Variants in FGF14 observed in about 807,000 individuals in gnomAD.
FGF14 encodes the protein fibroblast growth factor 14.
A neutral mutation model predicts 25.5 loss-of-function variants in FGF14; 5 were observed. The ratio of observed to expected loss-of-function variants is 0.20; its 90% CI spans 0.10 to 0.41. The LOEUF (loss-of-function observed/expected upper bound fraction) is 0.41. Ranked by LOEUF, FGF14 falls within the 10% of genes least tolerant of loss-of-function variation. The pLI is 1.00. For missense variants in FGF14, 222 were observed against 320.1 expected, an observed-to-expected ratio of 0.69 and a Z score of 2.34; for synonymous variants, 138 against 118.3, an observed-to-expected ratio of 1.17 and a Z score of -1.08.
chr13:101,836,890 T>C (rs566401773), intron 3 of FGF14, among the ~76,000 whole-genome samples: 1 of 152,196 alleles, frequency 6.6e-6, no homozygotes, highest in African/African-American at 2.4e-5. Context: ...GTAATGATGA[T>C]TTTTGTATAA....
intron 1 of FGF14, chr13:102,366,351 A>G (rs1385854427): frequency 6.6e-6 from 1 of 152,238 alleles, no homozygotes; most frequent in Non-Finnish European, 1.5e-5. Context: ...TCGTACCAGT[A>G]CCAGTGGTCA....
chr13:102,350,331 C>T (rs887431530), intron 1 of FGF14, among the ~76,000 whole-genome samples: 4 of 151,272 alleles, frequency 2.6e-5, no homozygotes, highest in African/African-American at 7.3e-5. Context: ...ATTGTGCCAT[C>T]GCACTGCACT....
intron 3 of FGF14, among the ~76,000 whole-genome samples, chr13:101,825,410 A>T (rs778603752): frequency 6.6e-6 from 1 of 152,244 alleles, no homozygotes; most frequent in Non-Finnish European, 1.5e-5. Context: ...TTTCAACACA[A>T]TCCTGAGTCT....
chr13:101,750,788 A>T (rs1387431974), intron 3 of FGF14, among the ~76,000 whole-genome samples: 1 of 152,186 alleles, frequency 6.6e-6, no homozygotes, highest in Non-Finnish European at 1.5e-5. Flanking sequence ...ACTTGAAAGC[A>T]ATCAAGATGG....
chr13:102,021,614 T>C (rs774933374), intron 1 of FGF14, among the ~76,000 whole-genome samples: 4 of 152,064 alleles, frequency 2.6e-5, no homozygotes, highest in Non-Finnish European at 5.9e-5. Context: ...CAGCAAAAGA[T>C]ATGGAAAACT....
intron 1 of FGF14, among the ~76,000 whole-genome samples, chr13:102,081,886 A>C (rs2043640362): frequency 6.6e-6 from 1 of 152,180 alleles, no homozygotes; most frequent in Admixed American, 6.5e-5. Flanking sequence ...CAAGTGTAAA[A>C]TTATGATTCA....
intron 1 of FGF14, among the ~76,000 whole-genome samples, chr13:102,398,883 TATGTATA>T (rs1313482779): frequency 3.7e-4 from 53 of 144,932 alleles, no homozygotes; most frequent in African/African-American, 1.3e-3. Context: ...ATATTATATA[TATGTATA>T]ATATATAATA....
chr13:102,177,164 G>A (rs981991951), intron 1 of FGF14, among the ~76,000 whole-genome samples: 2 of 152,128 alleles, frequency 1.3e-5, no homozygotes, highest in Non-Finnish European at 2.9e-5. Context: ...TGTGAAATAC[G>A]TCTTCATAGA....
intron 1 of FGF14, among the ~76,000 whole-genome samples, chr13:102,115,777 G>A (rs948833186): frequency 3.3e-5 from 5 of 150,992 alleles, no homozygotes; most frequent in South Asian, 2.1e-4. Context: ...AATCCTCAGC[G>A]ACACACGATT....
rs574407621 is a variant in FGF14, at chr13:101,726,552, A to G, written c.607+60T>C. ...TTCTTAGAGCCATGGTAGACCTATC[A>G]ATTTGAAAAATAAAATATGTAATAA... On this transcript the variant is annotated intron_variant, in intron 4 of 4. Coordinates refer to ENST00000376143, the MANE Select transcript of FGF14 (RefSeq NM_004115.4). 9 of 1,504,508 alleles carry G rather than the reference A, an allele frequency of 6.0e-6. No individual in the cohort carries two copies. The Admixed American group carries it at 1.3e-4, about 22-fold the overall frequency. 93.2% of individuals were successfully genotyped at this position (1,504,508 alleles called of 1,614,324 possible).
chr13:102,161,649 GAAGAAGAAGAAGAAGAAGAAGAAGAA>G (rs2047733140), intron 1 of FGF14, among the ~76,000 whole-genome samples: 1 of 14,962 alleles, frequency 6.7e-5, no homozygotes, highest in African/African-American at 2.2e-4. Flanking sequence ...AGAAGAAGAA[GAAGAAGAAGAAGAAGAAGAAGAAGAA>G]GAAGAAGAAG....
chr13:101,831,451 G>A (rs963271568), intron 3 of FGF14, among the ~76,000 whole-genome samples: 6 of 151,800 alleles, frequency 4.0e-5, no homozygotes, highest in Non-Finnish European at 8.8e-5. Flanking sequence ...TCTATCATAC[G>A]CTTCATGAAT....
chr13:101,850,465 T>A (rs1354252056), intron 3 of FGF14, among the ~76,000 whole-genome samples: 17 of 7,216 alleles, frequency 2.4e-3, no homozygotes, highest in African/African-American at 0.011. Context: ...AAAGGCAATA[T>A]ATATATATAT....
At chr13:102,285,155 A>G (rs2054032949) in intron 1 of FGF14, among the ~76,000 whole-genome samples, 1 of 152,186 alleles carries the variant, frequency 6.6e-6, no homozygotes, top group Non-Finnish European at 1.5e-5. Context: ...TTTTTTACAG[A>G]GCAAAGGATA....
At chr13:101,957,357 A>G (rs1367724398) in intron 1 of FGF14, among the ~76,000 whole-genome samples, 1 of 152,174 alleles carries the variant, frequency 6.6e-6, no homozygotes, top group Non-Finnish European at 1.5e-5. Flanking sequence ...GAGACACTAT[A>G]TATGTTAGAC....
intron 3 of FGF14, among the ~76,000 whole-genome samples, chr13:101,831,407 AG>A (rs1350856227): frequency 6.6e-6 from 1 of 152,004 alleles, no homozygotes. Flanking sequence ...AATTTTCATC[AG>A]AGAGTTATAG....
intron 3 of FGF14, among the ~76,000 whole-genome samples, chr13:101,863,587 G>A (rs1342572519): frequency 6.6e-6 from 1 of 152,130 alleles, no homozygotes; most frequent in Non-Finnish European, 1.5e-5. Flanking sequence ...CTAGGGATGG[G>A]CAATGAATTC....
chr13:102,084,169 A>C (rs998621246), intron 1 of FGF14, among the ~76,000 whole-genome samples: 3 of 152,046 alleles, frequency 2.0e-5, no homozygotes, highest in Non-Finnish European at 4.4e-5. Flanking sequence ...CTATCTTCCT[A>C]CTGAGGCTTG....
intron 1 of FGF14, among the ~76,000 whole-genome samples, chr13:102,016,079 A>C (rs958427461): frequency 1.3e-5 from 2 of 152,150 alleles, no homozygotes; most frequent in African/African-American, 4.8e-5. Flanking sequence ...ATTTTCATGA[A>C]TAACAACTTG....
Sources: gnomAD v4.1 joint callset for allele counts (sites outside exome capture counted in the v4.1 genomes callset) on GRCh38, gnomAD v4.1.1 for gene constraint, MANE v1.5 for transcripts, NCBI Gene and HGNC (gene_info 2026-07-23, HGNC 2026-07-21) for gene names.